CEP192: variants seen among roughly 807,000 people sequenced by gnomAD.
The protein encoded by CEP192 is centrosomal protein 192, also known as centrosomal protein of 192 kDa.
CEP192 carries 151 observed loss-of-function variants against 271.8 expected under a neutral mutation model. That is an observed-to-expected ratio of 0.56 (90% CI 0.49 to 0.64). CEP192 has a LOEUF of 0.64. Ranked by LOEUF, CEP192 falls within the 30% of genes least tolerant of loss-of-function variation. The pLI, the probability that CEP192 is intolerant of heterozygous loss-of-function variation, is 0.00. For synonymous variants in CEP192, 995 were observed against 1,076.5 expected (o/e 0.92, Z 1.48); for missense variants, 2,910 against 3,020.5 (o/e 0.96, Z 0.86).
chr18:13,058,060 A>G (rs1055804682), intron 20 of CEP192: 3 of 162,792 alleles, frequency 1.8e-5, no homozygotes, highest in African/African-American at 7.2e-5. Context: ...AGGTGATTGA[A>G]TATAAGTAAC....
intron 4 of CEP192, 70 bp downstream of exon 4, chr18:13,008,701 G>GTT (rs2145869496): frequency 4.2e-6 from 5 of 1,182,172 alleles, no homozygotes; most frequent in Non-Finnish European, 5.8e-6. Context: ...CTTATCTTTG[G>GTT]ATTTTTTTTT....
At chr18:13,001,240 A>G (rs2033623940) in intron 2 of CEP192, among the ~76,000 whole-genome samples, 1 of 152,104 alleles carries the variant, frequency 6.6e-6, no homozygotes, top group African/African-American at 2.4e-5. Flanking sequence ...TTTTAGCTTT[A>G]AGATTTTTGT....
chr18:13,060,366 C>T (rs2037344476), intron 21 of CEP192, among the ~76,000 whole-genome samples: 1 of 152,242 alleles, frequency 6.6e-6, no homozygotes, highest in Admixed American at 6.5e-5. Context: ...TTTTATAGGG[C>T]ACTTACCAGA....
rs1017943961 is a variant in CEP192, at chr18:13,050,952, G to T, written c.3017+1061G>T. On this transcript the variant is annotated intron_variant, in intron 17 of 44. Transcript: ENST00000506447. The stretch of plus-strand genomic sequence containing the variant: ...TTGAAGATCATCTGGCTGTGACATG[G>T]TGTAGTATGTTTACAGTCTTTGGCT... 7.2e-5 allele frequency among the ~76,000 whole-genome samples: 11 copies of T among 152,182 alleles called. 1 individual carries two copies. The highest frequency in any genetic ancestry group is 1.5e-4 in the Non-Finnish European group (10 of 68,034).
Position 13,105,086 on chromosome 18 carries a change from T to A in CEP192, c.7047+7T>A. 4 of 1,590,284 alleles carry A rather than the reference T, an allele frequency of 2.5e-6. No homozygotes were observed. The highest frequency in any genetic ancestry group is 3.5e-6 in the Non-Finnish European group (4 of 1,158,202). On this transcript the variant is annotated splice_region_variant and intron_variant, in intron 40 of 44. Coordinates refer to ENST00000506447, the MANE Select transcript of CEP192 (RefSeq NM_032142.4). ...AAGCCATGGGATCCAAAAAGTAGGT[T>A]TTGATATTTTTTTCCATAGGAACAT...
chr18:13,102,265 G>A (rs1261013086), intron 38 of CEP192, among the ~76,000 whole-genome samples: 1 of 151,836 alleles, frequency 6.6e-6, no homozygotes, highest in Non-Finnish European at 1.5e-5. Flanking sequence ...CTCAGTGAAA[G>A]GCTTCTGTTT....
intron 40 of CEP192, among the ~76,000 whole-genome samples, chr18:13,106,533 CACCT>C (rs2039959235): frequency 6.7e-6 from 1 of 149,120 alleles, no homozygotes; most frequent in Non-Finnish European, 1.5e-5. Flanking sequence ...CCACCACCAC[CACCT>C]CCCCCATCTC....
At chr18:13,087,499 A>G (rs2038951088) in intron 31 of CEP192, 32 bp from the exon 32 acceptor site, 2 of 1,143,226 alleles carry the variant, frequency 1.7e-6, no homozygotes, top group South Asian at 1.5e-5. Flanking sequence ...AATATTTAAT[A>G]TTTACTCCTG....
intron 3 of CEP192, among the ~76,000 whole-genome samples, chr18:13,001,973 A>G (rs1304180958): frequency 2.0e-5 from 3 of 152,202 alleles, no homozygotes; most frequent in Non-Finnish European, 4.4e-5. Flanking sequence ...TGGCCTCCCA[A>G]AGTGCTGGGA....
At chr18:12,992,448 A>C (rs974071004) in intron 1 of CEP192, among the ~76,000 whole-genome samples, 1 of 152,208 alleles carries the variant, frequency 6.6e-6, no homozygotes, top group Non-Finnish European at 1.5e-5. Flanking sequence ...TTATGTACCT[A>C]GGAATGTAAT....
At chr18:13,061,512 C>T (rs183267208) in intron 21 of CEP192, among the ~76,000 whole-genome samples, 2 of 152,296 alleles carry the variant, frequency 1.3e-5, no homozygotes, top group Admixed American at 1.3e-4. Context: ...ACTTTATTTT[C>T]TAGGGCATGG....
intron 21 of CEP192, among the ~76,000 whole-genome samples, chr18:13,067,270 C>T (rs1269029425): frequency 1.3e-5 from 2 of 152,036 alleles, no homozygotes; most frequent in South Asian, 2.1e-4. Flanking sequence ...CATTTCCTAT[C>T]GGGGACATCC....
At chr18:13,089,627 G>T in intron 33 of CEP192, 62 bp downstream of exon 33, 2 of 776,098 alleles carry the variant, frequency 2.6e-6, no homozygotes, top group African/African-American at 1.7e-5. Context: ...TATTATCTAT[G>T]TCCAATGATG....
At chr18:13,113,965 G>A (rs138011091) in intron 41 of CEP192, among the ~76,000 whole-genome samples, 165 bp from the exon 42 acceptor site, 321 of 152,270 alleles carry the variant, frequency 2.1e-3, no homozygotes, top group Middle Eastern at 6.8e-3. Context: ...TGAGAGAGAG[G>A]AACCAGGCAG....
At chr18:12,991,607 C>T (rs1297106039) in intron 1 of CEP192, among the ~76,000 whole-genome samples, 170 bp downstream of exon 1, 1 of 152,288 alleles carries the variant, frequency 6.6e-6, no homozygotes, top group Non-Finnish European at 1.5e-5. Flanking sequence ...CCGCGCTTCC[C>T]GCGCCTCTGC....
chr18:13,064,335 G>A (rs756358206), intron 21 of CEP192, among the ~76,000 whole-genome samples: 94 of 151,732 alleles, frequency 6.2e-4, no homozygotes, highest in East Asian at 5.9e-4. Context: ...ACTGTAGGCC[G>A]GGCACGGTGG....
intron 32 of CEP192, chr18:13,088,806 G>GT: frequency 2.5e-6 from 1 of 403,992 alleles, no homozygotes; most frequent in East Asian, 7.2e-5. Context: ...GCTACATGAT[G>GT]TTAGAACAGA....
chr18:13,047,494 G>A (rs753469005), intron 15 of CEP192, among the ~76,000 whole-genome samples: 2 of 152,184 alleles, frequency 1.3e-5, no homozygotes, highest in Non-Finnish European at 2.9e-5. Flanking sequence ...TTAGGGAACA[G>A]CATCCCCAGT....
intron 6 of CEP192, among the ~76,000 whole-genome samples, chr18:13,016,859 G>A (rs932442541): frequency 6.6e-6 from 1 of 151,990 alleles, no homozygotes; most frequent in Non-Finnish European, 1.5e-5. Flanking sequence ...TTTTGAAAGA[G>A]GTAACCATTT....
Sources: gnomAD v4.1 joint callset for allele counts (sites outside exome capture counted in the v4.1 genomes callset) on GRCh38, gnomAD v4.1.1 for gene constraint, MANE v1.5 for transcripts, NCBI Gene and HGNC (gene_info 2026-07-23, HGNC 2026-07-21) for gene names.